The following ERBB4 variants were observed in gnomAD, a reference collection of about 807,000 sequenced individuals.
ERBB4 encodes erb-b2 receptor tyrosine kinase 4.
In ERBB4, 42 loss-of-function variants were observed where a neutral mutation model predicts 158.0. The observed-to-expected ratio is 0.27, with a 90% CI of 0.21 to 0.34. ERBB4 has a LOEUF of 0.34. Ranked by LOEUF, ERBB4 falls within the 10% of genes least tolerant of loss-of-function variation. ERBB4 has a pLI of 1.00. For synonymous variants in ERBB4, 583 were observed against 558.7 expected (o/e 1.04, Z -0.61); for missense variants, 1,333 against 1,624.1 (o/e 0.82, Z 3.08).
intron 3 of ERBB4, among the ~76,000 whole-genome samples, chr2:211,915,571 T>C (rs1408979802): frequency 1.3e-5 from 2 of 151,946 alleles, no homozygotes; most frequent in African/African-American, 2.4e-5. Context: ...CAATGACCAA[T>C]GATTCTTCTT....
intron 4 of ERBB4, among the ~76,000 whole-genome samples, chr2:211,782,731 T>C (rs2076066560): frequency 6.6e-6 from 1 of 152,198 alleles, no homozygotes; most frequent in Admixed American, 6.5e-5. Context: ...CATTGGTCTA[T>C]ATCTCTGTTT....
intron 5 of ERBB4, among the ~76,000 whole-genome samples, chr2:211,748,900 C>G (rs538460522): frequency 6.6e-6 from 1 of 152,264 alleles, no homozygotes; most frequent in East Asian, 1.9e-4. Flanking sequence ...TGGTCACATG[C>G]GTGTCAGACC....
chr2:212,333,174 A>C (rs2088261490), intron 1 of ERBB4, among the ~76,000 whole-genome samples: 1 of 152,030 alleles, frequency 6.6e-6, no homozygotes, highest in Admixed American at 6.6e-5. Flanking sequence ...ATAATTTTGA[A>C]GTGCCTACCT....
chr2:212,235,422 T>G (rs1184134957), intron 1 of ERBB4, among the ~76,000 whole-genome samples: 1 of 152,118 alleles, frequency 6.6e-6, no homozygotes, highest in Non-Finnish European at 1.5e-5. Context: ...TGCCTCCAGG[T>G]TTTTGCACAG....
chr2:211,992,979 C>A (rs768595623), intron 2 of ERBB4, among the ~76,000 whole-genome samples: 41 of 152,220 alleles, frequency 2.7e-4, no homozygotes, highest in Admixed American at 2.6e-4. Context: ...CAATCAACTA[C>A]CTGTCCTCTG....
At chr2:211,786,888 T>C (rs1459975113) in intron 4 of ERBB4, among the ~76,000 whole-genome samples, 2 of 152,218 alleles carry the variant, frequency 1.3e-5, no homozygotes, top group African/African-American at 4.8e-5. Context: ...TTTTCTCACA[T>C]GTAATTTTAC....
intron 20 of ERBB4, among the ~76,000 whole-genome samples, chr2:211,513,248 G>C (rs2065926532): frequency 6.6e-6 from 1 of 151,458 alleles, no homozygotes; most frequent in South Asian, 2.1e-4. Flanking sequence ...TAACAAATCA[G>C]GCTGAGGCAG....
Position 212,373,918 on chromosome 2 carries a change from T to TATATATCCATATATATATCC in ERBB4, c.82+164530_82+164531insGGATATATATATGGATATAT, listed in dbSNP as rs1560146544. 6.4e-3 allele frequency among the ~76,000 whole-genome samples: 369 copies of TATATATCCATATATATATCC among 57,284 alleles called. 46 individuals are homozygous for TATATATCCATATATATATCC. Among genetic ancestry groups the TATATATCCATATATATATCC allele is most frequent in the Middle Eastern group, 0.02 (1 of 50 alleles). 37.6% of individuals were successfully genotyped at this position (57,284 alleles called of 152,430 possible). A position where few individuals can be genotyped will look rare whatever the true frequency, so the allele number is the denominator to read the frequency against. On this transcript the variant is annotated intron_variant, in intron 1 of 27. Coordinates refer to ENST00000342788, the MANE Select transcript of ERBB4 (RefSeq NM_005235.3). Reference sequence around the variant, plus strand: ...ATATATATATCCATGTATATATCCATATATATATATCCATATATATCCATA... The same window carrying TATATATCCATATATATATCC: ...ATATATATATCCATGTATATATCCATATATATCCATATATATATCCATATATATATCCATATATATCCATA...
chr2:212,416,964 G>A (rs2091669632), intron 1 of ERBB4, among the ~76,000 whole-genome samples: 1 of 152,006 alleles, frequency 6.6e-6, no homozygotes, highest in African/African-American at 2.4e-5. Context: ...TGATAAGATA[G>A]TATCATAAAT....
chr2:212,432,884 T>C (rs1360285271), intron 1 of ERBB4, among the ~76,000 whole-genome samples: 1 of 152,056 alleles, frequency 6.6e-6, no homozygotes, highest in African/African-American at 2.4e-5. Flanking sequence ...GTGAGGATAG[T>C]AATGGCAGCC....
At chr2:211,695,952 T>G (rs2073004858) in intron 12 of ERBB4, among the ~76,000 whole-genome samples, 1 of 149,022 alleles carries the variant, frequency 6.7e-6, no homozygotes, top group Non-Finnish European at 1.5e-5. Context: ...TCTTTCTTTT[T>G]ATTTCTTCTT....
chr2:212,153,804 T>C (rs556670115), intron 1 of ERBB4, among the ~76,000 whole-genome samples: 49 of 152,290 alleles, frequency 3.2e-4, no homozygotes, highest in African/African-American at 1.1e-3. Flanking sequence ...TAACATCATA[T>C]AGGAATTAGA....
At chr2:211,458,428 G>T (rs192554678) in intron 20 of ERBB4, among the ~76,000 whole-genome samples, 2 of 151,970 alleles carry the variant, frequency 1.3e-5, no homozygotes, top group African/African-American at 2.4e-5. Context: ...CATCACGCAC[G>T]GCTAATTTTT....
chr2:212,260,289 G>T (rs1168922452), intron 1 of ERBB4, among the ~76,000 whole-genome samples: 1 of 152,218 alleles, frequency 6.6e-6, no homozygotes, highest in Non-Finnish European at 1.5e-5. Context: ...AGGAGGAAAA[G>T]AAACAAAAGA....
intron 19 of ERBB4, among the ~76,000 whole-genome samples, chr2:211,576,731 T>C (rs991374965): frequency 6.6e-6 from 1 of 152,074 alleles, no homozygotes; most frequent in Non-Finnish European, 1.5e-5. Context: ...ATTATAAACA[T>C]TAGTAATTAT....
chr2:212,386,236 T>A (rs2090670498), intron 1 of ERBB4, among the ~76,000 whole-genome samples: 1 of 152,072 alleles, frequency 6.6e-6, no homozygotes, highest in South Asian at 2.1e-4. Flanking sequence ...CAAACTTCTA[T>A]ATTTGGCCCA....
At chr2:211,468,017 G>A (rs761178454) in intron 20 of ERBB4, among the ~76,000 whole-genome samples, 3 of 152,176 alleles carry the variant, frequency 2.0e-5, no homozygotes, top group African/African-American at 7.2e-5. Context: ...CAGAAAAGGA[G>A]ATGGAGATAA....
At chr2:212,279,922 A>G (rs1048364432) in intron 1 of ERBB4, among the ~76,000 whole-genome samples, 4 of 151,630 alleles carry the variant, frequency 2.6e-5, no homozygotes, top group African/African-American at 9.7e-5. Context: ...AAATGTAATT[A>G]CATTATAAAG....
Position 211,382,289 on chromosome 2 carries a change from T to G in ERBB4, c.*1326A>C, listed in dbSNP as rs1461565445. On this transcript the variant is annotated 3_prime_UTR_variant, in exon 28 of 28. Coordinates refer to ENST00000342788, the MANE Select transcript of ERBB4 (RefSeq NM_005235.3). ...ATTCCTTCTTACGAAGTATACGAAC[T>G]GAACAAATTTCCTTGCGTAGCAAAG... 1 of 232,254 alleles carries G rather than the reference T, an allele frequency of 4.3e-6. No homozygotes were observed. Among genetic ancestry groups the G allele is most frequent in the Non-Finnish European group, 8.5e-6 (1 of 117,478 alleles). The allele number at this position is 232,254 out of a possible 1,614,324, so 14.4% of individuals were successfully genotyped here.
Sources: gnomAD v4.1 joint callset for allele counts (sites outside exome capture counted in the v4.1 genomes callset) on GRCh38, gnomAD v4.1.1 for gene constraint, MANE v1.5 for transcripts, NCBI Gene and HGNC (gene_info 2026-07-23, HGNC 2026-07-21) for gene names.